Variants in RSF1 observed in about 807,000 individuals in gnomAD.
RSF1 encodes remodeling and spacing factor 1, also known as HBV pX-associated protein 8.
In RSF1, 13 loss-of-function variants were observed where a neutral mutation model predicts 145.2. The observed-to-expected ratio is 0.09, with a 90% CI of 0.06 to 0.14. The LOEUF (loss-of-function observed/expected upper bound fraction) is 0.14. RSF1 is among the 10% of genes least tolerant of loss of function. The pLI is 1.00. For synonymous variants in RSF1, 577 were observed against 592.6 expected, an observed-to-expected ratio of 0.97 and a Z score of 0.38; for missense variants, 1,517 against 1,718.2, an observed-to-expected ratio of 0.88 and a Z score of 2.07.
chr11:77,858,302 C>CTTTTTTTTT, the RSF1 span, among the ~76,000 whole-genome samples: 161 of 69,350 alleles, frequency 2.3e-3, 7 homozygotes, highest in African/African-American at 6.1e-3. Flanking sequence ...TTAAGCAATT[C>CTTTTTTTTT]TTTTTTTTTT....
At chr11:77,828,282 C>G in the RSF1 span, among the ~76,000 whole-genome samples, 1 of 150,950 alleles carries the variant, frequency 6.6e-6, no homozygotes, top group African/African-American at 2.4e-5. Flanking sequence ...CTCAAAAAAA[C>G]AAAATACACA....
intron 5 of RSF1, among the ~76,000 whole-genome samples, chr11:77,718,786 T>A (rs903500802): frequency 1.3e-5 from 2 of 152,190 alleles, no homozygotes; most frequent in African/African-American, 4.8e-5. Context: ...GAAAATAAGT[T>A]TCTGTTGTTT....
chr11:77,703,982 C>T (rs1010879453), intron 5 of RSF1, among the ~76,000 whole-genome samples: 2 of 152,160 alleles, frequency 1.3e-5, no homozygotes, highest in African/African-American at 2.4e-5. Flanking sequence ...GGTTAAAATA[C>T]TGATTACTAT....
intron 9 of RSF1, among the ~76,000 whole-genome samples, chr11:77,689,807 T>C (rs1405436403): frequency 6.6e-6 from 1 of 152,188 alleles, no homozygotes; most frequent in African/African-American, 2.4e-5. Context: ...TGAACTGTTG[T>C]CCTGATTATG....
intron 4 of RSF1, among the ~76,000 whole-genome samples, chr11:77,732,387 C>G (rs1247724258): frequency 1.3e-5 from 2 of 152,124 alleles, no homozygotes; most frequent in Non-Finnish European, 2.9e-5. Context: ...AGATGTTGGA[C>G]TGTGGACTTT....
chr11:77,830,987 CAAAAAAA>C, the RSF1 span, among the ~76,000 whole-genome samples: 4,272 of 100,532 alleles, frequency 0.042, 225 homozygotes, highest in African/African-American at 0.15. Context: ...CAAAATATAC[CAAAAAAA>C]AAAAAAAAAA....
At chr11:77,827,428 G>C in the RSF1 span, among the ~76,000 whole-genome samples, 1 of 152,142 alleles carries the variant, frequency 6.6e-6, no homozygotes, top group South Asian at 2.1e-4. Context: ...ATATAAAAAG[G>C]ATTATACACC....
At chr11:77,737,621 G>GGGTGTGTGTGT (rs1491534916) in intron 4 of RSF1, among the ~76,000 whole-genome samples, 73 of 93,546 alleles carry the variant, frequency 7.8e-4, no homozygotes, top group Admixed American at 5.8e-3. Flanking sequence ...TGTTTTGGGG[G>GGGTGTGTGTGT]GTGTGTGTGT....
chr11:77,798,332 C>T (rs1948592524), intron 1 of RSF1, among the ~76,000 whole-genome samples: 2 of 151,822 alleles, frequency 1.3e-5, no homozygotes, highest in Admixed American at 6.6e-5. Context: ...TGCCTGTAAT[C>T]CTAGCACTTT....
At chr11:77,693,741 A>T (rs1960213854) in intron 7 of RSF1, 130 bp from the exon 8 acceptor site, 1 of 397,376 alleles carries the variant, frequency 2.5e-6, no homozygotes, top group Non-Finnish European at 4.5e-6. Context: ...TAAATAAAAA[A>T]GCTCTGATGA....
At position 77,701,867 on chromosome 11, in the gene RSF1, A is replaced by C. The variant is rs549721507; in HGVS notation, c.1362T>G (p.Asn454Lys). ...TTGTCTCTATTGGTTCTGTCTTAAA[A>C]TTTGGAGCTACCCTTTCATCACTAA... The part of the protein sequence containing the change: ...GEVSDERVAP[N>K]FKTEPIETKF... The change falls in exon 6 of 16, where the codon AAT becomes AAG. Residue 454 changes from asparagine (N) to lysine (K), a missense_variant. Physicochemically the swap from Asn to Lys is moderately conservative, Grantham distance 94 (BLOSUM62 0). This residue lies in a region of RSF1 where 579 missense variants were observed against 553.5 expected (regional missense o/e 1.05). Coordinates refer to ENST00000308488, the MANE Select transcript of RSF1 (RefSeq NM_016578.4). 1.2e-5 allele frequency: 20 copies of C among 1,614,076 alleles called. No homozygotes were observed. In the South Asian group the frequency reaches 2.2e-4, roughly 18 times the overall value.
chr11:77,824,010 C>T (rs192867796), upstream of RSF1, among the ~76,000 whole-genome samples: 194 of 152,250 alleles, frequency 1.3e-3, 1 homozygote, highest in African/African-American at 4.5e-3. Flanking sequence ...AGAGTTTCTG[C>T]CTTTTCTAAT....
intron 4 of RSF1, 113 bp downstream of exon 4, chr11:77,740,618 C>T (rs1267849005): frequency 2.2e-6 from 2 of 927,742 alleles, no homozygotes; most frequent in East Asian, 2.5e-5. Flanking sequence ...TGACAACTCC[C>T]AAAACTCACA....
intron 1 of RSF1, among the ~76,000 whole-genome samples, chr11:77,809,410 G>A (rs143719049): frequency 2.2e-3 from 340 of 152,270 alleles, no homozygotes; most frequent in African/African-American, 7.3e-3. Flanking sequence ...GATAAGAATG[G>A]AGAAGATAAT....
At chr11:77,760,803 G>C (rs993351951) in intron 2 of RSF1, among the ~76,000 whole-genome samples, 3 of 152,032 alleles carry the variant, frequency 2.0e-5, no homozygotes, top group Admixed American at 2.0e-4. Context: ...CATTTTCAAG[G>C]GATTTCTAAA....
rs752756142 is a variant in RSF1 at position 77,664,092 on chromosome 11, G to A, written c.*2825C>T. ...ATTGTCTTTGTATACAGAACATTTC[G>A]TTTTCTAAAATTTTTTAACTTCTTC... On this transcript the variant is annotated 3_prime_UTR_variant, in exon 16 of 16. Transcript: ENST00000308488. 6.6e-6 allele frequency: 1 copy of A among 152,042 alleles called. No individual in the cohort carries two copies. 9.4% of individuals were successfully genotyped at this position (152,042 alleles called of 1,614,324 possible). A position where few individuals can be genotyped will look rare whatever the true frequency, so the allele number is the denominator to read the frequency against.
upstream of RSF1, among the ~76,000 whole-genome samples, chr11:77,821,454 T>C (rs1480759092): frequency 6.6e-6 from 1 of 152,098 alleles, no homozygotes; most frequent in Non-Finnish European, 1.5e-5. Flanking sequence ...TATTGCTCTC[T>C]GCTGGGGTAC....
At chr11:77,846,411 G>A in the RSF1 span, among the ~76,000 whole-genome samples, 1 of 152,200 alleles carries the variant, frequency 6.6e-6, no homozygotes, top group African/African-American at 2.4e-5. Flanking sequence ...TTTAGGCCAG[G>A]AGATTGATAC....
At chr11:77,848,348 A>G in the RSF1 span, among the ~76,000 whole-genome samples, 2,731 of 152,146 alleles carry the variant, frequency 0.018, 82 homozygotes, top group African/African-American at 0.063. Flanking sequence ...ATGAGTTAAT[A>G]TTACCATTAA....
Sources: gnomAD v4.1 joint callset for allele counts (sites outside exome capture counted in the v4.1 genomes callset) on GRCh38, gnomAD v4.1.1 for gene constraint, gnomAD v4.1.1 regional missense constraint, MANE v1.5 for transcripts, NCBI Gene and HGNC (gene_info 2026-07-23, HGNC 2026-07-21) for gene names.